Variants in PRPF40B observed in about 807,000 individuals in gnomAD.
PRPF40B encodes the protein pre-mRNA-processing factor 40 homolog B.
PRPF40B carries 56 observed loss-of-function variants against 124.5 expected under a neutral mutation model. That is an observed-to-expected ratio of 0.45 (90% CI 0.36 to 0.56). PRPF40B has a LOEUF of 0.56. Among genes scored for constraint, PRPF40B ranks in the 20% least tolerant of loss-of-function variants. The pLI is 0.00. For synonymous variants in PRPF40B, 443 were observed against 426.4 expected (o/e 1.04, Z -0.48); for missense variants, 1,053 against 1,169.5 (o/e 0.90, Z 1.45).
chr12:49,642,952 C>A lies in PRPF40B; in HGVS notation c.2141C>A (p.Thr714Asn), dbSNP rs748798949. Residue 714 changes from threonine to asparagine, a missense_variant, in exon 22 of 26, where the codon ACC (threonine) becomes AAC (asparagine). Physicochemically the swap from Thr to Asn is moderately conservative, Grantham distance 65 (BLOSUM62 0). Around this residue, in one of 2 missense-constraint regions of PRPF40B, gnomAD observed 895 missense variants for 1,052.2 expected, o/e 0.85. Coordinates refer to ENST00000548825, the MANE Select transcript of PRPF40B (RefSeq NM_001031698.3). The surrounding 1 kb of genome is among the most constrained non-coding windows in gnomAD (Gnocchi z 5.8). ...VLETECQHLH[T>N]KGRKHGRKGK... Reference sequence around the variant, plus strand: ...CAGACTGAATGCCAGCACCTCCACACCAAAGGCCGAAAGCATGGCAGGAAA... The same window carrying A: ...CAGACTGAATGCCAGCACCTCCACAACAAAGGCCGAAAGCATGGCAGGAAA... 18 of 1,613,720 alleles carry A rather than the reference C, an allele frequency of 1.1e-5. No individual in the cohort carries two copies. In the South Asian group the frequency reaches 2.0e-4, roughly 18 times the overall value.
At chr12:49,643,092 C>T (rs1185583897) in intron 22 of PRPF40B, 76 bp downstream of exon 22, 14 of 1,589,884 alleles carry the variant, frequency 8.8e-6, no homozygotes, top group African/African-American at 2.7e-5. Context: ...TTTCCCCTTA[C>T]AATATCTCCC....
chr12:49,641,807 A>G (rs1158717205), intron 18 of PRPF40B, 101 bp from the exon 19 acceptor site: 3 of 930,576 alleles, frequency 3.2e-6, no homozygotes, highest in East Asian at 4.8e-5. Flanking sequence ...TCTCTTCCAG[A>G]GGCAAGGGCC....
At chr12:49,623,882 G>A in intron 1 of PRPF40B, 1 of 1,178,300 alleles carries the variant, frequency 8.5e-7, no homozygotes, top group Non-Finnish European at 1.0e-6. Context: ...GGTTCGCGGA[G>A]AAAGATCGGG....
chr12:49,638,569 AAAGT>A (rs1942168808), intron 18 of PRPF40B: 1 of 152,246 alleles, frequency 6.6e-6, no homozygotes, highest in African/African-American at 2.4e-5. Context: ...CAAAAGTGGA[AAAGT>A]GAGTGAGTGA....
chr12:49,641,216 T>TAA (rs1411665821), intron 18 of PRPF40B: 4 of 152,226 alleles, frequency 2.6e-5, no homozygotes, highest in Non-Finnish European at 5.9e-5. Flanking sequence ...GGACATGTTT[T>TAA]TAGTATTGGT....
In PRPF40B at chr12:49,643,962, G is replaced by A. The variant is rs35275181; in HGVS notation, c.2544G>A (p.Glu848=). Residue 848 remains glutamate, a synonymous_variant, in exon 25 of 26, where the codon GAG becomes GAA. Coordinates refer to ENST00000548825, the MANE Select transcript of PRPF40B (RefSeq NM_001031698.3). ...QDKDRELQQA[E]LPNRSPGFGI... ...AGGACAGGGAGCTCCAACAGGCAGA[G>A]CTCCCTAACCGTTCCCCAGGCTTTG... 27,416 of 1,614,206 alleles carry A rather than the reference G, an allele frequency of 0.017. 385 individuals carry two copies. Among genetic ancestry groups the A allele is most frequent in the East Asian group, 0.054 (2,442 of 44,882 alleles).
Position 49,642,993 on chromosome 12 carries a change from C to T in PRPF40B, c.2182C>T (p.His728Tyr). 2 of 1,613,842 alleles carry T rather than the reference C, an allele frequency of 1.2e-6. No individual in the cohort carries two copies. Among genetic ancestry groups the T allele is most frequent in the Non-Finnish European group, 1.7e-6 (2 of 1,179,870 alleles). ...KHGRKGKKHH[H>Y]KRSHSPSGSE... is the part of the protein sequence containing the mutation. ...TGGCAGGAAAGGCAAGAAGCACCATCACAAGCGTTCCCACTCACCCTCAGT... is the reference window on the plus strand; with the variant it reads ...TGGCAGGAAAGGCAAGAAGCACCATTACAAGCGTTCCCACTCACCCTCAGT... The change falls in exon 22 of 26, where the codon CAC becomes TAC. Residue 728 changes from histidine (H) to tyrosine (Y), a missense_variant. By Grantham distance (83) the His-to-Tyr change is moderately conservative. This residue lies in a region of PRPF40B where 895 missense variants were observed against 1,052.2 expected (regional missense o/e 0.85). Transcript: ENST00000548825. The surrounding 1 kb of genome is among the most constrained non-coding windows in gnomAD (Gnocchi z 5.8).
intron 18 of PRPF40B, chr12:49,638,761 G>A (rs1457342586): frequency 2.0e-5 from 3 of 152,182 alleles, no homozygotes; most frequent in Admixed American, 6.5e-5. Context: ...CCTTGGATAG[G>A]TCACTTGACC....
chr12:49,639,099 T>G (rs1321659064), intron 18 of PRPF40B: 1 of 152,198 alleles, frequency 6.6e-6, no homozygotes, highest in Admixed American at 6.5e-5. Context: ...GTAAAGTGCC[T>G]TGAATGCTAA....
intron 1 of PRPF40B, among the ~76,000 whole-genome samples, chr12:49,625,119 A>C (rs182747435): frequency 6.6e-6 from 1 of 152,296 alleles, no homozygotes; most frequent in African/African-American, 2.4e-5. Flanking sequence ...GAGTCAGACC[A>C]AGCAGACCTT....
chr12:49,623,901 G>C, intron 1 of PRPF40B: 1 of 1,158,526 alleles, frequency 8.6e-7, no homozygotes, highest in Non-Finnish European at 1.1e-6. Context: ...GGAAAGAAGA[G>C]AGAGGGCGGA....
At chr12:49,632,270 C>G in intron 4 of PRPF40B, 1 of 575,326 alleles carries the variant, frequency 1.7e-6, no homozygotes, top group Non-Finnish European at 3.1e-6. Context: ...GGGGATCTTG[C>G]TGTGCCTTCT....
rs777227612 is a variant in PRPF40B, at chr12:49,643,332, C to T, written c.2315C>T (p.Ser772Leu). The T allele has an allele frequency of 1.9e-5, 31 of 1,607,084 alleles. No individual in the cohort carries two copies. Among genetic ancestry groups the T allele is most frequent in the South Asian group, 1.1e-5 (1 of 90,098 alleles). The part of the protein sequence containing the change: ...SGSEPSSSLD[S>L]VESGGAALGG... ...TCTGAGCCCTCTTCCTCACTTGATTCAGTTGAAAGTGGGGGTGCTGCCCTT... is the reference window on the plus strand; with the variant it reads ...TCTGAGCCCTCTTCCTCACTTGATTTAGTTGAAAGTGGGGGTGCTGCCCTT... The change falls in exon 23 of 26, where the codon TCA becomes TTA. Residue 772 changes from serine to leucine, a missense_variant. By Grantham distance (145) the Ser-to-Leu change is moderately radical. Transcript: ENST00000548825.
intron 1 of PRPF40B, among the ~76,000 whole-genome samples, chr12:49,628,511 T>TC (rs1434644652): frequency 6.6e-6 from 1 of 151,138 alleles, no homozygotes; most frequent in Non-Finnish European, 1.5e-5. Context: ...CCGCTTGGCC[T>TC]CCCAAAGTGC....
Position 49,631,522 on chromosome 12 carries a change from G to A in PRPF40B, c.206G>A (p.Gly69Glu). The A allele has an allele frequency of 6.5e-7, 1 of 1,548,954 alleles. No homozygotes were observed. The highest frequency in any genetic ancestry group is 1.3e-5 in the South Asian group (1 of 79,188). The change falls in exon 3 of 26, where the codon GGG becomes GAG. Residue 69 changes from glycine to glutamate, a missense_variant. Gly to Glu is a moderately conservative substitution (Grantham distance 98). Transcript: ENST00000548825. This position sits in a 1 kb window ranked among gnomAD's most constrained non-coding sequence, Gnocchi z 4.3. ...CTGCCCCCAATGCTTCCACCAATGGGGGCGCCACCACCACTCACACAGGTA... is the reference window on the plus strand; with the variant it reads ...CTGCCCCCAATGCTTCCACCAATGGAGGCGCCACCACCACTCACACAGGTA... ...GILPPMLPPM[G>E]APPPLTQIPG...
intron 5 of PRPF40B, 26 bp downstream of exon 5, chr12:49,632,649 C>A (rs542418928): frequency 6.2e-7 from 1 of 1,612,612 alleles, no homozygotes; most frequent in East Asian, 2.2e-5. Context: ...GCCTGCTCCC[C>A]CCAGGCTCGG....
chr12:49,631,980 G>T lies in PRPF40B; in HGVS notation c.294+55G>T, dbSNP rs1353110554. The T allele has an allele frequency of 9.8e-6, 15 of 1,528,372 alleles. No homozygotes were observed. The South Asian group carries it at 1.7e-4, about 17-fold the overall frequency. The allele number at this position is 1,528,372 out of a possible 1,614,324, so 94.7% of individuals were successfully genotyped here. A position where few individuals can be genotyped will look rare whatever the true frequency, so the allele number is the denominator to read the frequency against. On this transcript the variant is annotated intron_variant, in intron 4 of 25. Coordinates refer to ENST00000548825, the MANE Select transcript of PRPF40B (RefSeq NM_001031698.3). The surrounding 1 kb of genome is among the most constrained non-coding windows in gnomAD (Gnocchi z 4.3). The stretch of plus-strand genomic sequence containing the variant: ...CTCTGCCCTGCAGTCCCGTGAGTCT[G>T]ACTTGGAATGCAGGACTATGACCTC...
At chr12:49,632,993 T>TGGGGGGGGG in intron 6 of PRPF40B, 21 bp from the exon 7 acceptor site, 1 of 1,498,396 alleles carries the variant, frequency 6.7e-7, no homozygotes, top group Non-Finnish European at 9.2e-7. Context: ...ACCACCATTC[T>TGGGGGGGGG]GTGCCCCCCC....
At position 49,643,693 on chromosome 12, in the gene PRPF40B, C is replaced by T. The variant is rs1942972839; in HGVS notation, c.2383C>T (p.His795Tyr). The T allele has an allele frequency of 6.2e-7, 1 of 1,613,874 alleles. No homozygotes were observed. The highest frequency in any genetic ancestry group is 1.7e-5 in the Admixed American group (1 of 59,960). Reference sequence around the variant, plus strand: ...AGTAGGGATTTTTCTATCTCTAGATCATGGCCTTCGGAAAGCCAAGAAACC... The same window carrying T: ...AGTAGGGATTTTTCTATCTCTAGATTATGGCCTTCGGAAAGCCAAGAAACC... ...SPSSHLLGAD[H>Y]GLRKAKKPKK... The change falls in exon 24 of 26, where the codon CAT becomes TAT. Residue 795 changes from histidine to tyrosine, a missense_variant and splice_region_variant. Physicochemically the swap from His to Tyr is moderately conservative, Grantham distance 83. Coordinates refer to ENST00000548825, the MANE Select transcript of PRPF40B (RefSeq NM_001031698.3).
Sources: gnomAD v4.1 joint callset for allele counts (sites outside exome capture counted in the v4.1 genomes callset) on GRCh38, gnomAD v4.1.1 for gene constraint, gnomAD v4.1.1 regional missense constraint, Gnocchi (gnomAD v3.1) non-coding constraint, MANE v1.5 for transcripts, NCBI Gene and HGNC (gene_info 2026-07-23, HGNC 2026-07-21) for gene names.